KALRN: variants seen among roughly 807,000 people sequenced by gnomAD.
KALRN encodes kalirin.
In KALRN, 70 loss-of-function variants were observed where a neutral mutation model predicts 353.7. The ratio of observed to expected loss-of-function variants is 0.20; its 90% CI spans 0.16 to 0.24. KALRN has a LOEUF of 0.24. Among genes scored for constraint, KALRN ranks in the 10% least tolerant of loss-of-function variants. The pLI, the probability that KALRN is intolerant of heterozygous loss-of-function variation, is 1.00. For missense variants in KALRN, 2,791 were observed against 3,756.7 expected (o/e 0.74, Z 6.72); for synonymous variants, 1,391 against 1,434.8 (o/e 0.97, Z 0.69).
At chr3:124,470,770 A>AAT (rs2060808483) in intron 25 of KALRN, among the ~76,000 whole-genome samples, 1 of 145,334 alleles carries the variant, frequency 6.9e-6, no homozygotes, top group Admixed American at 7.2e-5. Flanking sequence ...GTTTTCCAAG[A>AAT]GTGTTCCTTG....
chr3:124,058,312 A>G (rs1402019879), intron 1 of KALRN, among the ~76,000 whole-genome samples: 4 of 152,182 alleles, frequency 2.6e-5, no homozygotes, highest in Non-Finnish European at 5.9e-5. Context: ...ACTTCAGTTC[A>G]TGATAACAGA....
At chr3:124,368,117 G>C (rs1286745865) in intron 10 of KALRN, among the ~76,000 whole-genome samples, 8 of 66,080 alleles carry the variant, frequency 1.2e-4, no homozygotes, top group Middle Eastern at 7.2e-3. Flanking sequence ...CCTCCCGGAC[G>C]GGGCAGCTGG....
intron 27 of KALRN, among the ~76,000 whole-genome samples, chr3:124,479,155 T>C (rs2061713116): frequency 6.6e-6 from 1 of 152,236 alleles, no homozygotes; most frequent in Non-Finnish European, 1.5e-5. Context: ...GGCACCAGAA[T>C]GTATTTTCCC....
intron 49 of KALRN, chr3:124,675,518 C>CTTTT (rs67279805): frequency 8.7e-6 from 1 of 114,602 alleles, no homozygotes; most frequent in African/African-American, 2.8e-5. Flanking sequence ...TCCTCTTCTT[C>CTTTT]TTTTTTTTTT....
chr3:124,473,405 C>T (rs994512012), intron 25 of KALRN, among the ~76,000 whole-genome samples: 2 of 152,158 alleles, frequency 1.3e-5, no homozygotes, highest in Non-Finnish European at 2.9e-5. Flanking sequence ...TGAGAAGTGT[C>T]ACCCACCACT....
intron 17 of KALRN, among the ~76,000 whole-genome samples, chr3:124,436,549 A>G (rs2093467267): frequency 6.6e-6 from 1 of 151,990 alleles, no homozygotes; most frequent in Admixed American, 6.5e-5. Context: ...ATGTGATGCT[A>G]GAGATGGGAC....
At chr3:124,291,036 C>G (rs1466048967) in intron 5 of KALRN, among the ~76,000 whole-genome samples, 1 of 152,156 alleles carries the variant, frequency 6.6e-6, no homozygotes, top group Non-Finnish European at 1.5e-5. Context: ...CTACCATGGG[C>G]CATCTTGGGT....
chr3:124,651,880 C>T (rs1438906391), intron 38 of KALRN, among the ~76,000 whole-genome samples: 1 of 152,116 alleles, frequency 6.6e-6, no homozygotes, highest in Non-Finnish European at 1.5e-5. Context: ...TCAAGTAATC[C>T]TCCTGTCTCA....
chr3:124,601,344 A>T (rs1323322418), intron 34 of KALRN, among the ~76,000 whole-genome samples: 1 of 152,242 alleles, frequency 6.6e-6, no homozygotes, highest in Non-Finnish European at 1.5e-5. Flanking sequence ...TAATAGCTTT[A>T]AATGAGCCAT....
At chr3:124,566,766 C>G (rs1034719069) in intron 34 of KALRN, among the ~76,000 whole-genome samples, 8 of 152,160 alleles carry the variant, frequency 5.3e-5, no homozygotes, top group African/African-American at 1.7e-4. Flanking sequence ...GGTGCTTTAC[C>G]TTATAAGTTA....
chr3:124,439,774 G>T (rs765343034), intron 18 of KALRN, among the ~76,000 whole-genome samples: 23 of 152,180 alleles, frequency 1.5e-4, no homozygotes, highest in Non-Finnish European at 2.6e-4. Flanking sequence ...TGCACAGACT[G>T]TCAGCTGGTG....
At chr3:124,190,975 T>C (rs1364553774) in intron 1 of KALRN, among the ~76,000 whole-genome samples, 16 of 152,184 alleles carry the variant, frequency 1.1e-4, no homozygotes. Context: ...CAGCTAAAAA[T>C]TGGGGTTCGC....
chr3:124,078,531 G>A (rs2060376343), intron 1 of KALRN, among the ~76,000 whole-genome samples: 1 of 152,120 alleles, frequency 6.6e-6, no homozygotes. Context: ...GATGGTGACA[G>A]GGCAGGTACA....
intron 45 of KALRN, among the ~76,000 whole-genome samples, chr3:124,664,365 G>GCGCA (rs1458539680): frequency 1.1e-4 from 13 of 114,680 alleles, no homozygotes; most frequent in Non-Finnish European, 3.7e-5. Flanking sequence ...GTGTGTGTGT[G>GCGCA]TGTGTGCGCG....
At chr3:124,616,405 A>G (rs2078601574) in intron 34 of KALRN, among the ~76,000 whole-genome samples, 1 of 152,194 alleles carries the variant, frequency 6.6e-6, no homozygotes, top group Admixed American at 6.5e-5. Context: ...CTAGACTGCA[A>G]CTTAGCTCCT....
intron 57 of KALRN, among the ~76,000 whole-genome samples, chr3:124,709,395 A>C (rs1482725483): frequency 6.6e-6 from 1 of 152,176 alleles, no homozygotes; most frequent in East Asian, 1.9e-4. Context: ...TTTGTGCCTC[A>C]GTCTCCTGAG....
chr3:124,564,564 C>T (rs2072550463), intron 34 of KALRN, among the ~76,000 whole-genome samples: 1 of 151,960 alleles, frequency 6.6e-6, no homozygotes, highest in Non-Finnish European at 1.5e-5. Flanking sequence ...ATAGTTCCAG[C>T]TACTCAGTGG....
intron 2 of KALRN, among the ~76,000 whole-genome samples, chr3:124,229,158 A>G (rs1283089652): frequency 6.6e-6 from 1 of 152,224 alleles, no homozygotes; most frequent in Non-Finnish European, 1.5e-5. Flanking sequence ...CTGTAACAAC[A>G]GAGTTGAGTA....
chr3:124,410,203 C>T (rs763409473), intron 13 of KALRN: 2 of 532,818 alleles, frequency 3.8e-6, no homozygotes, highest in Non-Finnish European at 7.7e-6. Flanking sequence ...TCTTCTCCCT[C>T]ACCAGGACCG....
Sources: gnomAD v4.1 joint callset for allele counts (sites outside exome capture counted in the v4.1 genomes callset) on GRCh38, gnomAD v4.1.1 for gene constraint, MANE v1.5 for transcripts, NCBI Gene and HGNC (gene_info 2026-07-23, HGNC 2026-07-21) for gene names.